The following HELZ variants were observed in gnomAD, a reference collection of about 807,000 sequenced individuals.
HELZ encodes ATP-dependent RNA helicase with zinc finger domain.
HELZ carries 23 observed loss-of-function variants against 218.2 expected under a neutral mutation model. That is an observed-to-expected ratio of 0.11 (90% CI 0.08 to 0.15). The LOEUF is 0.15. Ranked by LOEUF, HELZ falls within the 10% of genes least tolerant of loss-of-function variation. The probability of loss-of-function intolerance (pLI) is 1.00; values close to 1 mark genes in which losing one functional copy is unlikely to be tolerated. For missense variants in HELZ, 1,813 were observed against 2,353.7 expected (o/e 0.77, Z 4.75); for synonymous variants, 814 against 829.4 (o/e 0.98, Z 0.32).
Position 67,188,881 on chromosome 17 carries a change from C to T in HELZ, c.865-265G>A, listed in dbSNP as rs2039826295. On this transcript the variant is annotated intron_variant, in intron 11 of 32. Coordinates refer to ENST00000358691, the MANE Select transcript of HELZ (RefSeq NM_014877.4). The surrounding 1 kb of genome is among the most constrained non-coding windows in gnomAD (Gnocchi z 4.1). Reference sequence around the variant, plus strand: ...AAAAGCTATCACCCTATATAACCATCAACCTTCAAACTTTCCATACTCTTC... The same window carrying T: ...AAAAGCTATCACCCTATATAACCATTAACCTTCAAACTTTCCATACTCTTC... Among the ~76,000 whole-genome samples, 1 of 152,156 alleles carries T rather than the reference C, an allele frequency of 6.6e-6. No homozygotes were observed. The highest frequency in any genetic ancestry group is 1.5e-5 in the Non-Finnish European group (1 of 68,020).
chr17:67,173,872 C>A (rs2039379001), intron 13 of HELZ, among the ~76,000 whole-genome samples: 1 of 152,212 alleles, frequency 6.6e-6, no homozygotes, highest in Non-Finnish European at 1.5e-5. Flanking sequence ...CCATACTAGG[C>A]CTGTCATGCC....
At chr17:67,157,140 G>C (rs6504489) in intron 17 of HELZ, among the ~76,000 whole-genome samples, 31,470 of 152,102 alleles carry the variant, frequency 0.21, 3,500 homozygotes, top group African/African-American at 0.29. Flanking sequence ...CTGAGCAGAT[G>C]CCAGCACCAT....
chr17:67,235,504 CAAAA>C (rs535025750), intron 3 of HELZ, among the ~76,000 whole-genome samples: 2 of 122,032 alleles, frequency 1.6e-5, no homozygotes, highest in African/African-American at 3.0e-5. Context: ...GACTCCCTCA[CAAAA>C]AAAAAAAAAA....
At chr17:67,206,359 T>A (rs1239832055) in intron 5 of HELZ, among the ~76,000 whole-genome samples, 6 of 152,250 alleles carry the variant, frequency 3.9e-5, no homozygotes, top group Non-Finnish European at 8.8e-5. Flanking sequence ...TTAGAATGTT[T>A]TGGATTAGAA....
chr17:67,160,808 C>G, intron 16 of HELZ, 89 bp downstream of exon 16: 1 of 936,266 alleles, frequency 1.1e-6, no homozygotes, highest in Non-Finnish European at 1.5e-6. Flanking sequence ...TGCATGAAAA[C>G]TGTCTTGCTA....
intron 22 of HELZ, 147 bp from the exon 23 acceptor site, chr17:67,136,345 G>T: frequency 3.2e-6 from 2 of 627,308 alleles, no homozygotes; most frequent in Admixed American, 5.9e-5. Context: ...TGCACTGCTG[G>T]TGAGAATGTC....
intron 5 of HELZ, among the ~76,000 whole-genome samples, chr17:67,212,593 T>C (rs961590430): frequency 1.3e-5 from 2 of 152,174 alleles, no homozygotes; most frequent in African/African-American, 4.8e-5. Flanking sequence ...TGTATAATCT[T>C]GGCCAATATT....
intron 17 of HELZ, among the ~76,000 whole-genome samples, chr17:67,154,004 C>T (rs2038766272): frequency 1.3e-5 from 2 of 152,194 alleles, no homozygotes; most frequent in Admixed American, 1.3e-4. Flanking sequence ...AAAGAGCCAC[C>T]ATTTGTTACT....
At chr17:67,235,646 A>G (rs894949412) in intron 3 of HELZ, among the ~76,000 whole-genome samples, 3 of 152,034 alleles carry the variant, frequency 2.0e-5, no homozygotes, top group African/African-American at 4.8e-5. Flanking sequence ...AGGGGCTCAC[A>G]GCAGATGCCC....
At chr17:67,216,365 C>T (rs962608271) in intron 4 of HELZ, among the ~76,000 whole-genome samples, 19 of 152,168 alleles carry the variant, frequency 1.2e-4, no homozygotes, top group Non-Finnish European at 2.6e-4. Flanking sequence ...TGCAGATCAA[C>T]TCAGCCGCCT....
chr17:67,172,592 T>C (rs919373129), intron 13 of HELZ, among the ~76,000 whole-genome samples: 6 of 152,178 alleles, frequency 3.9e-5, no homozygotes, highest in African/African-American at 1.4e-4. Context: ...GGGCCACATA[T>C]ATTTTTTAAT....
At chr17:67,236,348 GA>G (rs1013648787) in intron 3 of HELZ, among the ~76,000 whole-genome samples, 1 of 152,054 alleles carries the variant, frequency 6.6e-6, no homozygotes, top group Non-Finnish European at 1.5e-5. Context: ...TAACACCCTT[GA>G]AAACAGTAGG....
chr17:67,167,653 C>T lies in HELZ; in HGVS notation c.1574G>A (p.Arg525Gln), dbSNP rs1258280006. Residue 525 changes from arginine (R) to glutamine (Q), a missense_variant, in exon 14 of 33, where the codon CGA becomes CAA. Physicochemically the swap from Arg to Gln is conservative, Grantham distance 43. Coordinates refer to ENST00000358691, the MANE Select transcript of HELZ (RefSeq NM_014877.4). ...ETLSEDTLAGRLVMTKVNAVY... is the reference protein window; with the variant it reads ...ETLSEDTLAGQLVMTKVNAVY... ...AGCATTGACTTTGGTCATCACCAGT[C>T]GTCCAGCCAAAGTATCTTCAGAAAG... The T allele has an allele frequency of 1.2e-6, 2 of 1,614,106 alleles. No homozygotes were observed. Among genetic ancestry groups the T allele is most frequent in the Middle Eastern group, 1.6e-4 (1 of 6,062 alleles).
chr17:67,237,137 C>T (rs1482556032), intron 3 of HELZ, among the ~76,000 whole-genome samples: 3 of 152,112 alleles, frequency 2.0e-5, no homozygotes, highest in South Asian at 2.1e-4. Context: ...GTCAGGAATT[C>T]GAGACCAGTC....
At chr17:67,229,011 C>T (rs2040967604) in intron 3 of HELZ, among the ~76,000 whole-genome samples, 2 of 152,074 alleles carry the variant, frequency 1.3e-5, no homozygotes, top group South Asian at 4.1e-4. Flanking sequence ...AGCCACTGCA[C>T]CCAGCTGATA....
intron 13 of HELZ, among the ~76,000 whole-genome samples, chr17:67,174,502 G>C (rs2039399421): frequency 6.6e-6 from 1 of 152,100 alleles, no homozygotes; most frequent in African/African-American, 2.4e-5. Context: ...TTCGTGATTA[G>C]AAATATTCTG....
rs572530790 is a variant in HELZ at position 67,107,923 on chromosome 17, G to C, written c.4725-238C>G. Among the ~76,000 whole-genome samples the C allele has an allele frequency of 2.0e-5, 3 of 152,198 alleles. No individual in the cohort carries two copies. The South Asian group carries it at 6.2e-4, about 32-fold the overall frequency. On this transcript the variant is annotated intron_variant, in intron 30 of 32. Coordinates refer to ENST00000358691, the MANE Select transcript of HELZ (RefSeq NM_014877.4). ...CATTGTATTAAAAACATCTGTCCTT[G>C]TCTCTATACAGCTTTGACAACTGGA...
At chr17:67,128,983 T>C in intron 23 of HELZ, 128 bp from the exon 24 acceptor site, 1 of 701,002 alleles carries the variant, frequency 1.4e-6, no homozygotes, top group South Asian at 1.9e-5. Context: ...TAGTCATCTA[T>C]GATTGAGATA....
rs2039149429 is a variant in HELZ at position 67,166,534 on chromosome 17, A to G, written c.1839T>C (p.Asn613=). ...TACTGATGTCTGGAAACAAAACCCC[A>G]TTGTCCTTGATCCTGTCTAGTGCAT... is the stretch of plus-strand genomic sequence containing the variant. The part of the protein sequence containing the change: ...MHYALDRIKD[N]GVLFPDISMT... The change falls in exon 15 of 33, where the codon AAT becomes AAC. Residue 613 remains asparagine (N), a synonymous_variant. Coordinates refer to ENST00000358691, the MANE Select transcript of HELZ (RefSeq NM_014877.4). 1 of 1,613,008 alleles carries G rather than the reference A, an allele frequency of 6.2e-7. No homozygotes were observed. The highest frequency in any genetic ancestry group is 8.5e-7 in the Non-Finnish European group (1 of 1,179,090).
Sources: gnomAD v4.1 joint callset for allele counts (sites outside exome capture counted in the v4.1 genomes callset) on GRCh38, gnomAD v4.1.1 for gene constraint, Gnocchi (gnomAD v3.1) non-coding constraint, MANE v1.5 for transcripts, NCBI Gene and HGNC (gene_info 2026-07-23, HGNC 2026-07-21) for gene names.